Variants in LRAT observed in about 807,000 individuals in gnomAD.
LRAT encodes lecithin retinol acyltransferase (phosphatidylcholine--retinol O-acyltransferase).
In LRAT, 11 loss-of-function variants were observed where a neutral mutation model predicts 14.2. The observed-to-expected ratio is 0.78, with a 90% CI of 0.49 to 1.29. LRAT has a LOEUF of 1.29. LRAT is among the 50% of genes most tolerant of loss of function. The probability of loss-of-function intolerance (pLI) is 0.00; values close to 1 mark genes in which losing one functional copy is unlikely to be tolerated. For missense variants in LRAT, 274 were observed against 292.4 expected, an observed-to-expected ratio of 0.94 and a Z score of 0.46; for synonymous variants, 144 against 124.8, an observed-to-expected ratio of 1.15 and a Z score of -1.03.
chr4:154,743,184 A>G (rs1282089839), upstream of LRAT, among the ~76,000 whole-genome samples: 1 of 137,394 alleles, frequency 7.3e-6, no homozygotes, highest in African/African-American at 2.8e-5. Flanking sequence ...TGGAGGATTC[A>G]GGGCATTTGA....
chr4:154,748,231 T>G lies in LRAT; in HGVS notation c.541-753T>G, dbSNP rs1347772832. 2 of 985,496 alleles carry G rather than the reference T, an allele frequency of 2.0e-6. No homozygotes were observed. The highest frequency in any genetic ancestry group is 2.4e-6 in the Non-Finnish European group (2 of 830,094). 61.0% of individuals were successfully genotyped at this position (985,496 alleles called of 1,614,324 possible). A position where few individuals can be genotyped will look rare whatever the true frequency, so the allele number is the denominator to read the frequency against. Reference sequence around the variant, plus strand: ...AGGACTTGTGCATCAAACATCTCAGTTAATCCTCAGAACAATTTGAGTGTT... The same window carrying G: ...AGGACTTGTGCATCAAACATCTCAGGTAATCCTCAGAACAATTTGAGTGTT... On this transcript the variant is annotated intron_variant, in intron 2 of 2. Coordinates refer to ENST00000336356, the MANE Select transcript of LRAT (RefSeq NM_004744.5).
chr4:154,742,440 G>A (rs927112120), upstream of LRAT, among the ~76,000 whole-genome samples: 4 of 152,046 alleles, frequency 2.6e-5, no homozygotes, highest in Admixed American at 6.5e-5. Flanking sequence ...AAGGATAATG[G>A]GGAGCCGTTT....
intron 2 of LRAT, 23 bp downstream of exon 2, chr4:154,744,889 G>T (rs959565413): frequency 6.2e-7 from 1 of 1,610,436 alleles, no homozygotes; most frequent in Non-Finnish European, 8.5e-7. Context: ...ACTCCCAGGG[G>T]AAGTGGGCTC....
chr4:154,744,846 A>G lies in LRAT; in HGVS notation c.520A>G (p.Ile174Val), dbSNP rs769051542. 6.2e-7 allele frequency: 1 copy of G among 1,613,524 alleles called. No homozygotes were observed. Among genetic ancestry groups the G allele is most frequent in the Non-Finnish European group, 8.5e-7 (1 of 1,179,986 alleles). ...FVTYCRYGTP[I>V]SPQSDKFCET... ...GACCTACTGCAGATATGGCACCCCG[A>G]TCAGTCCCCAGTCCGACAAGGTATG... The change falls in exon 2 of 3, where the codon ATC becomes GTC. Residue 174 changes from isoleucine (I) to valine (V), a missense_variant. Physicochemically the swap from Ile to Val is conservative, Grantham distance 29. Coordinates refer to ENST00000336356, the MANE Select transcript of LRAT (RefSeq NM_004744.5).
At chr4:154,746,756 T>A (rs1372675395) in intron 2 of LRAT, among the ~76,000 whole-genome samples, 1 of 152,234 alleles carries the variant, frequency 6.6e-6, no homozygotes, top group Non-Finnish European at 1.5e-5. Context: ...ATATTTAATC[T>A]GCATAAATAA....
At chr4:154,744,258 T>G in intron 1 of LRAT, 36 bp downstream of exon 1, 1 of 1,559,314 alleles carries the variant, frequency 6.4e-7, no homozygotes, top group Non-Finnish European at 8.8e-7. Flanking sequence ...CCGGCGAGCT[T>G]AACTTGCCCA....
At position 154,744,739 on chromosome 4, in the gene LRAT, A is replaced by G. The variant is rs1732846384; in HGVS notation, c.413A>G (p.Asn138Ser). 3.1e-6 allele frequency: 5 copies of G among 1,614,218 alleles called. No homozygotes were observed. Among genetic ancestry groups the G allele is most frequent in the Non-Finnish European group, 4.2e-6 (5 of 1,180,034 alleles). Residue 138 changes from asparagine to serine, a missense_variant, in exon 2 of 3, where the codon AAC becomes AGC. Coordinates refer to ENST00000336356, the MANE Select transcript of LRAT (RefSeq NM_004744.5). ...DESLQKKALL[N>S]EEVARRAEKL... ...TCCCTCCAGAAAAAGGCACTGCTCA[A>G]CGAGGAGGTGGCGCGGAGGGCTGAA...
Position 154,744,787 on chromosome 4 carries a change from A to C in LRAT, c.461A>C (p.Tyr154Ser), listed in dbSNP as rs1470351055. The stretch of plus-strand genomic sequence containing the variant: ...GAAAAGCTGCTGGGCTTTACCCCCT[A>C]CAGCCTGCTGTGGAACAACTGCGAG... Reference protein sequence around the residue: ...RAEKLLGFTPYSLLWNNCEHF... With the variant: ...RAEKLLGFTPSSLLWNNCEHF... The change falls in exon 2 of 3, where the codon TAC becomes TCC. Residue 154 changes from tyrosine to serine, a missense_variant. By Grantham distance (144) the Tyr-to-Ser change is moderately radical. Coordinates refer to ENST00000336356, the MANE Select transcript of LRAT (RefSeq NM_004744.5). 14 of 1,613,980 alleles carry C rather than the reference A, an allele frequency of 8.7e-6. No individual in the cohort carries two copies. Among genetic ancestry groups the C allele is most frequent in the Non-Finnish European group, 1.2e-5 (14 of 1,180,036 alleles).
chr4:154,744,906 G>A, intron 2 of LRAT, 40 bp downstream of exon 2: 1 of 1,600,298 alleles, frequency 6.2e-7, no homozygotes, highest in Non-Finnish European at 8.5e-7. Context: ...GCTCCGCGGA[G>A]ATGCCCCCTC....
At chr4:154,748,207 G>A in intron 2 of LRAT, 2 of 984,870 alleles carry the variant, frequency 2.0e-6, no homozygotes, top group Non-Finnish European at 2.4e-6. Flanking sequence ...AGAATACAGA[G>A]GACTTGTGCA....
chr4:154,749,140 C>T lies in LRAT; in HGVS notation c.*4C>T, dbSNP rs1018616680. On this transcript the variant is annotated 3_prime_UTR_variant, in exon 3 of 3. Coordinates refer to ENST00000336356, the MANE Select transcript of LRAT (RefSeq NM_004744.5). ...CTTCCTATGGATGGCTGGCTAACTT[C>T]ATACCCCCATGTCAGTGTGTGTATT... The T allele has an allele frequency of 6.2e-7, 1 of 1,612,634 alleles. No homozygotes were observed.
At position 154,749,872 on chromosome 4, in the gene LRAT, C is replaced by A. The variant is rs1732955759; in HGVS notation, c.*736C>A. 6.6e-6 allele frequency: 1 copy of A among 152,204 alleles called. No individual in the cohort carries two copies. Among genetic ancestry groups the A allele is most frequent in the Non-Finnish European group, 1.5e-5 (1 of 68,096 alleles). The allele number at this position is 152,204 out of a possible 1,614,324, so 9.4% of individuals were successfully genotyped here. On this transcript the variant is annotated 3_prime_UTR_variant, in exon 3 of 3. Coordinates refer to ENST00000336356, the MANE Select transcript of LRAT (RefSeq NM_004744.5). ...ATGTGCCACTGTGGCTACTTTAAAT[C>A]ACTCTGAGAGGTAAATGGATATAGG...
rs530211304 is a variant in LRAT, at chr4:154,751,599, T to A, written c.*2463T>A. ...AAAATACAAAATTAGCTGGGCGTGG[T>A]GGCCGGCGCCTGTAGTCCCAGCTAC... On this transcript the variant is annotated 3_prime_UTR_variant, in exon 3 of 3. Coordinates refer to ENST00000336356, the MANE Select transcript of LRAT (RefSeq NM_004744.5). The A allele has an allele frequency of 6.6e-6, 1 of 151,812 alleles. No homozygotes were observed. The highest frequency in any genetic ancestry group is 1.5e-5 in the Non-Finnish European group (1 of 68,140). 9.4% of individuals were successfully genotyped at this position (151,812 alleles called of 1,614,324 possible).
At position 154,749,161 on chromosome 4, in the gene LRAT, G is replaced by A; in HGVS notation, c.*25G>A. 2 of 1,602,174 alleles carry A rather than the reference G, an allele frequency of 1.2e-6. No individual in the cohort carries two copies. Among genetic ancestry groups the A allele is most frequent in the Admixed American group, 1.7e-5 (1 of 59,986 alleles). ...ACTTCATACCCCCATGTCAGTGTGT[G>A]TATTCTGTATGTAAATATGTTTATA... On this transcript the variant is annotated 3_prime_UTR_variant, in exon 3 of 3. Coordinates refer to ENST00000336356, the MANE Select transcript of LRAT (RefSeq NM_004744.5).
chr4:154,745,224 T>C (rs1005016946), intron 2 of LRAT: 1 of 260,668 alleles, frequency 3.8e-6, no homozygotes, highest in Non-Finnish European at 7.6e-6. Flanking sequence ...GGTTTCACCG[T>C]ATTAGCAAGG....
Position 154,749,026 on chromosome 4 carries a change from G to T in LRAT, c.583G>T (p.Val195Phe). Reference sequence around the variant, plus strand: ...GATAATTATTCGTGATCAGAGAAGTGTTCTTGCTTCAGCAGTCTTGGGATT... The same window carrying T: ...GATAATTATTCGTGATCAGAGAAGTTTTCTTGCTTCAGCAGTCTTGGGATT... ...VKIIIRDQRS[V>F]LASAVLGLAS... Residue 195 changes from valine to phenylalanine, a missense_variant, in exon 3 of 3, where the codon GTT becomes TTT. Physicochemically the swap from Val to Phe is conservative, Grantham distance 50. Coordinates refer to ENST00000336356, the MANE Select transcript of LRAT (RefSeq NM_004744.5). 2 of 1,613,802 alleles carry T rather than the reference G, an allele frequency of 1.2e-6. No individual in the cohort carries two copies. The highest frequency in any genetic ancestry group is 1.7e-6 in the Non-Finnish European group (2 of 1,179,752).
intron 2 of LRAT, among the ~76,000 whole-genome samples, chr4:154,747,284 A>G (rs1229937672): frequency 6.6e-6 from 1 of 152,142 alleles, no homozygotes; most frequent in Non-Finnish European, 1.5e-5. Context: ...AAATAATGGG[A>G]TTTTTATAAT....
rs1029329083 is a variant in LRAT at position 154,744,710 on chromosome 4, C to G, written c.384C>G (p.Asp128Glu). The G allele has an allele frequency of 1.2e-6, 2 of 1,614,064 alleles. No homozygotes were observed. Among genetic ancestry groups the G allele is most frequent in the Admixed American group, 1.7e-5 (1 of 60,004 alleles). ...CTAACATCCTGGTCAATCACCTGGA[C>G]GAGTCCCTCCAGAAAAAGGCACTGC... is the stretch of plus-strand genomic sequence containing the variant. ...YGANILVNHL[D>E]ESLQKKALLN... Residue 128 changes from aspartate (D) to glutamate (E), a missense_variant, in exon 2 of 3, where the codon GAC becomes GAG. Physicochemically the swap from Asp to Glu is conservative, Grantham distance 45. Coordinates refer to ENST00000336356, the MANE Select transcript of LRAT (RefSeq NM_004744.5).
At chr4:154,748,922 A>G in intron 2 of LRAT, 62 bp from the exon 3 acceptor site, 2 of 1,451,770 alleles carry the variant, frequency 1.4e-6, no homozygotes, top group Admixed American at 3.4e-5. Context: ...TTACTGTTTG[A>G]TATATGTGAT....
Sources: allele counts gnomAD v4.1 joint callset (sites outside exome capture counted in the v4.1 genomes callset), GRCh38; gene constraint gnomAD v4.1.1; transcripts MANE v1.5; gene names NCBI Gene and HGNC (gene_info 2026-07-23, HGNC 2026-07-21).